IMPA2: variants seen among roughly 807,000 people sequenced by gnomAD.
IMPA2 encodes IMP 2.
IMPA2 carries 32 observed loss-of-function variants against 35.1 expected under a neutral mutation model. The observed-to-expected ratio is 0.91, with a 90% CI of 0.69 to 1.23. IMPA2 has a LOEUF of 1.23. IMPA2 is among the 50% of genes most tolerant of loss of function. The pLI is 0.00. For missense variants in IMPA2, 334 were observed against 387.6 expected (o/e 0.86, Z 1.16); for synonymous variants, 135 against 160.6 (o/e 0.84, Z 1.20).
intron 2 of IMPA2, 109 bp downstream of exon 2, chr18:11,999,296 G>A (rs1204740351): frequency 1.1e-5 from 12 of 1,070,034 alleles, no homozygotes; most frequent in Non-Finnish European, 1.6e-5. Context: ...GTGGCCAGAC[G>A]TGAAGCCCTA....
At chr18:12,011,470 C>G (rs1389558818) in intron 3 of IMPA2, among the ~76,000 whole-genome samples, 2 of 152,216 alleles carry the variant, frequency 1.3e-5, no homozygotes, top group Non-Finnish European at 2.9e-5. Flanking sequence ...CGGCTCATCC[C>G]AAGGTCCCAC....
intron 1 of IMPA2, among the ~76,000 whole-genome samples, chr18:11,987,281 G>A (rs1906693543): frequency 6.6e-6 from 1 of 152,128 alleles, no homozygotes; most frequent in Non-Finnish European, 1.5e-5. Flanking sequence ...TCCGCTGCAT[G>A]GTATTTTATT....
rs962072796 is a variant in IMPA2, at chr18:11,981,586, G to C, written c.-84G>C. ...CGGGAGCAGGCACAGGGAGTGTGGA[G>C]CCTGGCGGCGGGACGGCGGGATCCG... is the stretch of plus-strand genomic sequence containing the variant. On this transcript the variant is annotated 5_prime_UTR_variant, in exon 1 of 8. Transcript: ENST00000269159. 1.2e-4 allele frequency: 107 copies of C among 915,006 alleles called. No homozygotes were observed. The highest frequency in any genetic ancestry group is 1.3e-4 in the Non-Finnish European group (93 of 700,332). The allele number at this position is 915,006 out of a possible 1,614,324, so 56.7% of individuals were successfully genotyped here. A position where few individuals can be genotyped will look rare whatever the true frequency, so the allele number is the denominator to read the frequency against.
intron 5 of IMPA2, among the ~76,000 whole-genome samples, chr18:12,022,941 A>ATTTTTTTTT (rs35737614): frequency 4.8e-3 from 393 of 81,726 alleles, no homozygotes; most frequent in East Asian, 0.012. Flanking sequence ...CGCCTGCCTA[A>ATTTTTTTTT]TTTTTTTTTT....
chr18:11,999,606 A>G (rs1907060754), intron 2 of IMPA2, among the ~76,000 whole-genome samples: 1 of 152,200 alleles, frequency 6.6e-6, no homozygotes, highest in Admixed American at 6.5e-5. Flanking sequence ...GGAGGATGGG[A>G]TGCCAAGTGG....
Position 12,024,164 on chromosome 18 carries a change from T to C in IMPA2, c.491-3879T>C, listed in dbSNP as rs570426695. ...GCGGCTGTTAAGAGTAAGATACTGA[T>C]GGCAAAAGATGTATATGAGATGTTT... On this transcript the variant is annotated intron_variant, in intron 5 of 7. Transcript: ENST00000269159. Among the ~76,000 whole-genome samples the C allele has an allele frequency of 2.6e-5, 4 of 152,326 alleles. No individual in the cohort carries two copies. The East Asian group carries it at 7.7e-4, about 29-fold the overall frequency.
At chr18:11,990,366 A>G (rs946074264) in intron 1 of IMPA2, among the ~76,000 whole-genome samples, 1 of 150,842 alleles carries the variant, frequency 6.6e-6, no homozygotes, top group Non-Finnish European at 1.5e-5. Flanking sequence ...GAAAAAAAGC[A>G]GGAGTCAGCT....
chr18:12,009,044 C>T (rs934825397), intron 2 of IMPA2, among the ~76,000 whole-genome samples: 4 of 152,182 alleles, frequency 2.6e-5, no homozygotes, highest in Admixed American at 2.6e-4. Context: ...CTTCCTGCAG[C>T]CCCACCCTTG....
Position 12,010,572 on chromosome 18 carries a change from G to A in IMPA2, c.335+585G>A, listed in dbSNP as rs1211167659. On this transcript the variant is annotated intron_variant, in intron 3 of 7. Coordinates refer to ENST00000269159, the MANE Select transcript of IMPA2 (RefSeq NM_014214.3). The surrounding 1 kb of genome is among the most constrained non-coding windows in gnomAD (Gnocchi z 4.8). ...TGTTCTCTGGCAGTGGCAGGTGATG[G>A]TGCTGCGCTGCCTGTCTACACGCAC... is the stretch of plus-strand genomic sequence containing the variant. Among the ~76,000 whole-genome samples, 2 of 152,182 alleles carry A rather than the reference G, an allele frequency of 1.3e-5. No individual in the cohort carries two copies. Among genetic ancestry groups the A allele is most frequent in the African/African-American group, 4.8e-5 (2 of 41,446 alleles).
intron 2 of IMPA2, among the ~76,000 whole-genome samples, chr18:12,007,586 T>C (rs1265585441): frequency 2.0e-5 from 3 of 149,280 alleles, no homozygotes; most frequent in Non-Finnish European, 4.4e-5. Flanking sequence ...TTCTTTCTTT[T>C]CTTTTCTTTC....
At chr18:12,006,128 G>T (rs559147412) in intron 2 of IMPA2, among the ~76,000 whole-genome samples, 1 of 152,230 alleles carries the variant, frequency 6.6e-6, no homozygotes, top group Non-Finnish European at 1.5e-5. Context: ...CAGATTTAGT[G>T]CCTGAAGTTT....
chr18:11,997,920 C>T (rs921752009), intron 1 of IMPA2, among the ~76,000 whole-genome samples: 3 of 152,224 alleles, frequency 2.0e-5, no homozygotes, highest in Non-Finnish European at 2.9e-5. Flanking sequence ...GTTATCCCAG[C>T]ACTTTTGGAG....
At chr18:11,998,910 A>C (rs1161466550) in intron 1 of IMPA2, 144 bp from the exon 2 acceptor site, 11 of 311,978 alleles carry the variant, frequency 3.5e-5, no homozygotes, top group Middle Eastern at 1.0e-3. Context: ...CCACAGAGCC[A>C]CACCTGCTGC....
At chr18:12,024,860 G>A (rs1359454508) in intron 5 of IMPA2, among the ~76,000 whole-genome samples, 2 of 151,928 alleles carry the variant, frequency 1.3e-5, no homozygotes, top group African/African-American at 4.8e-5. Context: ...CACACGTACA[G>A]CCTCCCCATC....
intron 5 of IMPA2, among the ~76,000 whole-genome samples, chr18:12,026,384 A>C (rs1431160254): frequency 6.6e-6 from 1 of 152,224 alleles, no homozygotes; most frequent in Admixed American, 6.5e-5. Flanking sequence ...GTTTACCCCC[A>C]AAATCAGTAT....
chr18:12,008,411 T>C (rs1335451226), intron 2 of IMPA2: 1 of 517,590 alleles, frequency 1.9e-6, no homozygotes, highest in South Asian at 1.4e-5. Flanking sequence ...CACATAGTCA[T>C]GCACAGAACA....
intron 1 of IMPA2, among the ~76,000 whole-genome samples, chr18:11,992,183 A>G (rs1314601402): frequency 1.3e-5 from 2 of 152,262 alleles, no homozygotes; most frequent in African/African-American, 4.8e-5. Flanking sequence ...CACGTAGCTC[A>G]GTCAAGTTGA....
At chr18:11,990,259 G>A (rs1598683455) in intron 1 of IMPA2, among the ~76,000 whole-genome samples, 2 of 152,328 alleles carry the variant, frequency 1.3e-5, no homozygotes, top group East Asian at 3.9e-4. Flanking sequence ...GTGCAGACCT[G>A]GCCAGTCACT....
chr18:12,003,860 T>A (rs60232438), intron 2 of IMPA2, among the ~76,000 whole-genome samples: 24,783 of 151,864 alleles, frequency 0.16, 2,112 homozygotes, highest in South Asian at 0.31. Context: ...TTCAGTAGCA[T>A]CCCTGAGCTA....
Sources: allele counts gnomAD v4.1 joint callset (sites outside exome capture counted in the v4.1 genomes callset), GRCh38; gene constraint gnomAD v4.1.1; non-coding constraint Gnocchi (gnomAD v3.1); transcripts MANE v1.5; gene names NCBI Gene and HGNC (gene_info 2026-07-23, HGNC 2026-07-21).